CENPN: variants seen among roughly 807,000 people sequenced by gnomAD.
The protein encoded by CENPN is centromere protein N.
Under a neutral mutation model 48.6 loss-of-function variants are expected in CENPN, and 36 were observed. The observed-to-expected ratio is 0.74, with a 90% CI of 0.57 to 0.98. The LOEUF is 0.98. CENPN is among the 50% of genes least tolerant of loss of function. The pLI, the probability that CENPN is intolerant of heterozygous loss-of-function variation, is 0.00. For synonymous variants in CENPN, 166 were observed against 135.2 expected (o/e 1.23, Z -1.58); for missense variants, 439 against 399.2 (o/e 1.10, Z -0.85).
chr16:81,026,448 G>T (rs1970496877), intron 8 of CENPN, 78 bp from the exon 9 acceptor site: 1 of 634,322 alleles, frequency 1.6e-6, no homozygotes, highest in Admixed American at 2.7e-5. Flanking sequence ...AATTCGAAGG[G>T]TTAGGAATGA....
At chr16:81,020,520 GAT>G in intron 6 of CENPN, 1 of 355,400 alleles carries the variant, frequency 2.8e-6, no homozygotes, top group Non-Finnish European at 5.0e-6. Flanking sequence ...ACAAAAAAAA[GAT>G]ATAGAATACC....
At chr16:81,032,717 G>T (rs1432979060), downstream of CENPN, 1 of 1,593,168 alleles carries the variant, frequency 6.3e-7, no homozygotes, top group Admixed American at 1.8e-5. Flanking sequence ...ACAACATTTA[G>T]ACATTTAAAT....
intron 9 of CENPN, among the ~76,000 whole-genome samples, chr16:81,026,874 T>C (rs1195172359): frequency 6.6e-6 from 1 of 152,130 alleles, no homozygotes; most frequent in Non-Finnish European, 1.5e-5. Flanking sequence ...CACTGCAACC[T>C]CTGCCTCCCA....
intron 8 of CENPN, among the ~76,000 whole-genome samples, chr16:81,026,131 G>GTATATATATGTGTA (rs1555522748): frequency 0.012 from 793 of 66,148 alleles, 8 homozygotes; most frequent in African/African-American, 0.027. Flanking sequence ...ATATATGTGT[G>GTATATATATGTGTA]TATATATATA....
At chr16:81,032,803 AC>A, downstream of CENPN, 2 of 1,185,368 alleles carry the variant, frequency 1.7e-6, no homozygotes, top group Non-Finnish European at 2.4e-6. Flanking sequence ...GTTAAAATGG[AC>A]CCTTTGTTAC....
At chr16:81,023,255 C>T (rs1970298736) in intron 7 of CENPN, 1 of 224,096 alleles carries the variant, frequency 4.5e-6, no homozygotes, top group Admixed American at 5.3e-5. Context: ...GTTGACACTC[C>T]TGTGAGTGGA....
At chr16:81,027,544 G>GT (rs1392387755) in intron 9 of CENPN, among the ~76,000 whole-genome samples, 1 of 152,202 alleles carries the variant, frequency 6.6e-6, no homozygotes, top group African/African-American at 2.4e-5. Context: ...TTACATTGAA[G>GT]TTACAGATTG....
chr16:81,022,955 T>G (rs1970284910), intron 7 of CENPN: 1 of 1,341,294 alleles, frequency 7.5e-7, no homozygotes, highest in Non-Finnish European at 1.0e-6. Flanking sequence ...CCAAATCACC[T>G]GATCACACTA....
downstream of CENPN, chr16:81,032,547 T>G: frequency 5.1e-6 from 8 of 1,565,856 alleles, no homozygotes; most frequent in Non-Finnish European, 6.9e-6. Context: ...ATCAGTTGAT[T>G]TTCAGTGTTT....
At chr16:81,020,608 A>T in intron 6 of CENPN, 1 of 190,268 alleles carries the variant, frequency 5.3e-6, no homozygotes, top group Non-Finnish European at 1.1e-5. Context: ...ATAAGATATT[A>T]GATTGGAGCT....
intron 8 of CENPN, among the ~76,000 whole-genome samples, 155 bp from the exon 9 acceptor site, chr16:81,026,371 C>G (rs953304449): frequency 2.6e-5 from 4 of 151,700 alleles, no homozygotes; most frequent in Admixed American, 1.3e-4. Flanking sequence ...TAAGAAACTT[C>G]CCTACACTAA....
chr16:81,032,832 T>G, downstream of CENPN: 1 of 957,550 alleles, frequency 1.0e-6, no homozygotes, highest in Middle Eastern at 3.3e-4. Context: ...TGACCAATCT[T>G]GGAAGCTTGG....
intron 1 of CENPN, 71 bp downstream of exon 1, chr16:81,007,348 G>A (rs962071061): frequency 6.6e-6 from 1 of 152,284 alleles, no homozygotes; most frequent in African/African-American, 2.4e-5. Context: ...CAGATCCCAG[G>A]CCTCGGGGGT....
rs1318306568 is a variant in CENPN, at chr16:81,026,603, T to G, written c.775T>G (p.Tyr259Asp). 6.2e-7 allele frequency: 1 copy of G among 1,601,672 alleles called. No homozygotes were observed. Among genetic ancestry groups the G allele is most frequent in the South Asian group, 1.1e-5 (1 of 90,204 alleles). ...AATAACTCAAGAAACATTTGGAGAT[T>G]ATCCTCAACCACAACTAGAATTTGC... ...QRITQETFGDYPQPQLEFAQY... is the reference protein window; with the variant it reads ...QRITQETFGDDPQPQLEFAQY... The change falls in exon 9 of 11, where the codon TAT (tyrosine) becomes GAT (aspartate). Residue 259 changes from tyrosine (Y) to aspartate (D), a missense_variant. Physicochemically the swap from Tyr to Asp is radical, Grantham distance 160. Transcript: ENST00000305850.
intron 10 of CENPN, 81 bp downstream of exon 10, chr16:81,028,378 T>C (rs1205502691): frequency 1.3e-6 from 2 of 1,548,974 alleles, no homozygotes; most frequent in African/African-American, 2.7e-5. Context: ...TAATTACTTC[T>C]GAGCTCACCC....
chr16:81,020,599 T>C (rs545390613), intron 6 of CENPN: 1 of 204,138 alleles, frequency 4.9e-6, no homozygotes, highest in East Asian at 1.1e-4. Context: ...GAACATGGCA[T>C]AAGATATTAG....
intron 1 of CENPN, among the ~76,000 whole-genome samples, chr16:81,009,891 T>C (rs868442226): frequency 6.6e-6 from 1 of 152,204 alleles, no homozygotes; most frequent in Non-Finnish European, 1.5e-5. Flanking sequence ...GGTGGTACCC[T>C]GCATTGTATA....
Position 81,017,839 on chromosome 16 carries a change from G to T in CENPN, c.354+5G>T. Reference sequence around the variant, plus strand: ...CTTCAGAGAGCATTAAAAAATGTAAGAATAAAATTCATCTTTTACATAAAA... The same window carrying T: ...CTTCAGAGAGCATTAAAAAATGTAATAATAAAATTCATCTTTTACATAAAA... On this transcript the variant is annotated splice_donor_5th_base_variant and intron_variant, in intron 5 of 10. Coordinates refer to ENST00000305850, the MANE Select transcript of CENPN (RefSeq NM_001100624.3). The T allele has an allele frequency of 6.8e-7, 1 of 1,462,744 alleles. No individual in the cohort carries two copies. Among genetic ancestry groups the T allele is most frequent in the Admixed American group, 2.0e-5 (1 of 50,534 alleles). 90.6% of individuals were successfully genotyped at this position (1,462,744 alleles called of 1,614,324 possible).
At chr16:81,019,956 T>C (rs1355412762) in intron 5 of CENPN, 144 bp from the exon 6 acceptor site, 3 of 550,410 alleles carry the variant, frequency 5.5e-6, no homozygotes, top group African/African-American at 3.9e-5. Context: ...AAAATACTCA[T>C]GAAAAGCAGA....
Sources: allele counts gnomAD v4.1 joint callset (sites outside exome capture counted in the v4.1 genomes callset), GRCh38; gene constraint gnomAD v4.1.1; transcripts MANE v1.5; gene names NCBI Gene and HGNC (gene_info 2026-07-23, HGNC 2026-07-21).